Variants in LRRTM4 observed in about 807,000 individuals in gnomAD.
LRRTM4 encodes the protein leucine rich repeat transmembrane neuronal 4, also known as leucine-rich repeat transmembrane neuronal protein 4.
LRRTM4 carries 25 observed loss-of-function variants against 47.6 expected under a neutral mutation model. The ratio of observed to expected loss-of-function variants is 0.53; its 90% CI spans 0.38 to 0.73. The LOEUF (loss-of-function observed/expected upper bound fraction) is 0.73, where lower values mean the gene tolerates loss of function less well. Among genes scored for constraint, LRRTM4 ranks in the 30% least tolerant of loss-of-function variants. The pLI, the probability that LRRTM4 is intolerant of heterozygous loss-of-function variation, is 0.00. For synonymous variants in LRRTM4, 311 were observed against 269.5 expected (o/e 1.15, Z -1.51); for missense variants, 638 against 713.4 (o/e 0.89, Z 1.20).
At chr2:77,349,944 G>A (rs1350891867) in intron 3 of LRRTM4, among the ~76,000 whole-genome samples, 7 of 152,112 alleles carry the variant, frequency 4.6e-5, no homozygotes, top group African/African-American at 1.2e-4. Context: ...TTAGTTCCCT[G>A]GCACTAGGTT....
chr2:77,016,473 G>A (rs534769647), intron 3 of LRRTM4, among the ~76,000 whole-genome samples: 1 of 152,002 alleles, frequency 6.6e-6, no homozygotes, highest in Non-Finnish European at 1.5e-5. Context: ...AGATTTAACG[G>A]GCCAGGGTAA....
At chr2:77,137,082 C>A (rs1235578782) in intron 3 of LRRTM4, among the ~76,000 whole-genome samples, 1 of 151,722 alleles carries the variant, frequency 6.6e-6, no homozygotes, top group Non-Finnish European at 1.5e-5. Context: ...ACTTCCCCAA[C>A]CTACCAAGGC....
chr2:76,817,888 C>T (rs888116933), intron 3 of LRRTM4, among the ~76,000 whole-genome samples: 2 of 151,892 alleles, frequency 1.3e-5, no homozygotes, highest in African/African-American at 4.8e-5. Context: ...TGGTTTTCTT[C>T]TCCAGGGAAG....
intron 3 of LRRTM4, among the ~76,000 whole-genome samples, chr2:77,390,832 T>C (rs1258643534): frequency 1.3e-5 from 2 of 151,858 alleles, no homozygotes; most frequent in Non-Finnish European, 2.9e-5. Context: ...ATATATTTCA[T>C]ATACTTTGTA....
At chr2:77,020,221 A>G (rs147658709) in intron 3 of LRRTM4, among the ~76,000 whole-genome samples, 69 of 152,250 alleles carry the variant, frequency 4.5e-4, no homozygotes, top group African/African-American at 1.6e-3. Context: ...GTTTGGAAAA[A>G]TAAAAAATAA....
intron 3 of LRRTM4, among the ~76,000 whole-genome samples, chr2:77,133,834 G>T (rs866579395): frequency 1.3e-5 from 2 of 152,176 alleles, no homozygotes; most frequent in African/African-American, 4.8e-5. Context: ...TGGAATAAAT[G>T]TATGTGACTA....
At chr2:77,192,825 G>A (rs1573060254) in intron 3 of LRRTM4, among the ~76,000 whole-genome samples, 1 of 152,148 alleles carries the variant, frequency 6.6e-6, no homozygotes, top group Non-Finnish European at 1.5e-5. Flanking sequence ...AAAGCATCAT[G>A]TACAATATTA....
At chr2:76,783,767 C>T (rs1358909079) in intron 3 of LRRTM4, among the ~76,000 whole-genome samples, 1 of 152,248 alleles carries the variant, frequency 6.6e-6, no homozygotes, top group African/African-American at 2.4e-5. Context: ...ATATTTCTTG[C>T]AAGTACTTTG....
intron 3 of LRRTM4, among the ~76,000 whole-genome samples, chr2:77,043,379 C>T (rs1006176899): frequency 1.1e-4 from 16 of 151,646 alleles, no homozygotes; most frequent in Admixed American, 4.6e-4. Flanking sequence ...GCATTGTCTT[C>T]GCAACAGTAT....
Position 77,396,957 on chromosome 2 carries a change from G to C in LRRTM4, c.1551+121361C>G, listed in dbSNP as rs542545787. ...TAAATCACATGTAATAGCAACTCTT[G>C]ACCTGTGGCTTCCAATGCAGCAAGA... On this transcript the variant is annotated intron_variant, in intron 3 of 3. Transcript: ENST00000409884. 5.3e-5 allele frequency among the ~76,000 whole-genome samples: 8 copies of C among 151,912 alleles called. No homozygotes were observed. In the South Asian group the frequency reaches 1.7e-3, roughly 32 times the overall value.
intron 3 of LRRTM4, among the ~76,000 whole-genome samples, chr2:76,978,225 A>G (rs1443578674): frequency 2.6e-5 from 4 of 152,044 alleles, no homozygotes; most frequent in Non-Finnish European, 1.5e-5. Context: ...TATATGACTC[A>G]GAGGGCAAGT....
At chr2:77,499,501 T>A (rs755113999) in intron 3 of LRRTM4, among the ~76,000 whole-genome samples, 6 of 151,892 alleles carry the variant, frequency 4.0e-5, no homozygotes, top group Non-Finnish European at 5.9e-5. Flanking sequence ...GAATAAAGAA[T>A]TCAAAATAAG....
At chr2:76,772,036 C>T (rs559208077) in intron 3 of LRRTM4, among the ~76,000 whole-genome samples, 1 of 152,204 alleles carries the variant, frequency 6.6e-6, no homozygotes, top group East Asian at 1.9e-4. Flanking sequence ...TGTTATGGAC[C>T]GAATGTTGTA....
intron 3 of LRRTM4, among the ~76,000 whole-genome samples, chr2:76,865,359 A>C (rs949769749): frequency 6.6e-6 from 1 of 152,304 alleles, no homozygotes; most frequent in African/African-American, 2.4e-5. Context: ...AAGAGTCAAC[A>C]TAGAATTGAT....
At chr2:76,795,605 C>T (rs1675253379) in intron 3 of LRRTM4, among the ~76,000 whole-genome samples, 1 of 92,564 alleles carries the variant, frequency 1.1e-5, no homozygotes, top group South Asian at 3.6e-4. Flanking sequence ...ACACACACTA[C>T]ATTTTCTTTA....
At chr2:77,472,219 G>A (rs1348451429) in intron 3 of LRRTM4, among the ~76,000 whole-genome samples, 1 of 152,172 alleles carries the variant, frequency 6.6e-6, no homozygotes, top group Non-Finnish European at 1.5e-5. Flanking sequence ...AGACTGCAAT[G>A]TACCTGACGG....
chr2:77,458,727 C>T (rs1418061080), intron 3 of LRRTM4, among the ~76,000 whole-genome samples: 12 of 151,282 alleles, frequency 7.9e-5, no homozygotes, highest in Admixed American at 7.3e-4. Flanking sequence ...ATGTCCATTG[C>T]TACGGTTTAT....
intron 3 of LRRTM4, among the ~76,000 whole-genome samples, chr2:77,172,353 T>G (rs1043944711): frequency 2.0e-5 from 3 of 152,220 alleles, no homozygotes; most frequent in African/African-American, 4.8e-5. Flanking sequence ...TCCCAGCACT[T>G]TGGGAGGCCG....
At chr2:77,495,903 A>T (rs548947268) in intron 3 of LRRTM4, among the ~76,000 whole-genome samples, 67 of 152,014 alleles carry the variant, frequency 4.4e-4, no homozygotes, top group Non-Finnish European at 5.2e-4. Flanking sequence ...AAATGTGTCA[A>T]TTTCTACCAA....
Sources: allele counts gnomAD v4.1 joint callset (sites outside exome capture counted in the v4.1 genomes callset), GRCh38; gene constraint gnomAD v4.1.1; transcripts MANE v1.5; gene names NCBI Gene and HGNC (gene_info 2026-07-23, HGNC 2026-07-21).